Variants in ACSM4 observed in about 807,000 individuals in gnomAD.
ACSM4 encodes the protein acyl-CoA synthetase medium chain family member 4.
Under a neutral mutation model 73.0 loss-of-function variants are expected in ACSM4, and 66 were observed. The observed-to-expected ratio is 0.90, with a 90% CI of 0.74 to 1.11. The LOEUF is 1.11. Among genes scored for constraint, ACSM4 ranks in the 50% least tolerant of loss-of-function variants. The pLI is 0.00. For synonymous variants in ACSM4, 222 were observed against 254.0 expected, an observed-to-expected ratio of 0.87 and a Z score of 1.20; for missense variants, 645 against 714.4, an observed-to-expected ratio of 0.90 and a Z score of 1.11.
rs151241664 is a variant in ACSM4 at position 7,313,416 on chromosome 12, A to G, written c.620+2670A>G. On this transcript the variant is annotated intron_variant, in intron 3 of 12. Coordinates refer to ENST00000399422, the MANE Select transcript of ACSM4 (RefSeq NM_001080454.2). ...AAGGGATAGCCGTCTCATTGCCAAC[A>G]GTTGGCTAGTTTTTCGGAAGACTAC... Among the ~76,000 whole-genome samples, 531 of 152,320 alleles carry G rather than the reference A, an allele frequency of 3.5e-3. 4 individuals carry two copies. Among genetic ancestry groups the G allele is most frequent in the East Asian group, 0.016 (82 of 5,186 alleles).
rs1946352195 is a variant in ACSM4, at chr12:7,304,660, T to C, written c.201+128T>C. On this transcript the variant is annotated intron_variant, in intron 1 of 12. Transcript: ENST00000399422. ...CACCCTCTTGGTTTCCTTTGTTTGTTTTCCAATTGCCCTCCCCTCTCCCCA... is the reference window on the plus strand; with the variant it reads ...CACCCTCTTGGTTTCCTTTGTTTGTCTTCCAATTGCCCTCCCCTCTCCCCA... 3.9e-6 allele frequency: 4 copies of C among 1,025,426 alleles called. No individual in the cohort carries two copies. The Admixed American group carries it at 9.7e-5, about 25-fold the overall frequency. The allele number at this position is 1,025,426 out of a possible 1,614,324, so 63.5% of individuals were successfully genotyped here. A position where few individuals can be genotyped will look rare whatever the true frequency, so the allele number is the denominator to read the frequency against.
At chr12:7,318,288 A>C (rs55962344) in intron 5 of ACSM4, 106 bp downstream of exon 5, 9 of 1,435,424 alleles carry the variant, frequency 6.3e-6, no homozygotes, top group Non-Finnish European at 8.5e-6. Context: ...GGGCTTTTGG[A>C]AATCATTTCT....
intron 11 of ACSM4, among the ~76,000 whole-genome samples, chr12:7,326,597 A>T (rs1337428923): frequency 6.6e-6 from 1 of 151,856 alleles, no homozygotes; most frequent in East Asian, 1.9e-4. Context: ...TTCTCTAGGA[A>T]CTCCATTTGT....
intron 3 of ACSM4, among the ~76,000 whole-genome samples, chr12:7,315,900 T>C (rs1946417905): frequency 2.6e-5 from 4 of 152,156 alleles, no homozygotes; most frequent in Admixed American, 2.6e-4. Context: ...TTCCTGCACA[T>C]AGCCTCTCCC....
At chr12:7,304,599 T>C in intron 1 of ACSM4, 67 bp downstream of exon 1, 1 of 1,510,022 alleles carries the variant, frequency 6.6e-7, no homozygotes, top group South Asian at 1.1e-5. Flanking sequence ...CATTTCCTTG[T>C]TCTGTGGTCT....
intron 1 of ACSM4, among the ~76,000 whole-genome samples, chr12:7,306,099 T>C (rs1000609809): frequency 2.6e-4 from 40 of 152,190 alleles, no homozygotes; most frequent in Admixed American, 7.2e-4. Context: ...AAGAAAGAAA[T>C]TTATTCAAGG....
intron 8 of ACSM4, 44 bp downstream of exon 8, chr12:7,323,358 A>T (rs1013570829): frequency 6.3e-7 from 1 of 1,595,294 alleles, no homozygotes; most frequent in Non-Finnish European, 8.6e-7. Flanking sequence ...AGGAGAGAGA[A>T]CGTTTTCCTT....
Position 7,324,139 on chromosome 12 carries a change from G to C in ACSM4, c.1309-134G>C, listed in dbSNP as rs530906202. The C allele has an allele frequency of 3.2e-4, 347 of 1,077,578 alleles. 2 individuals are homozygous for C. In the South Asian group the frequency reaches 3.9e-3, roughly 12 times the overall value. 66.8% of individuals were successfully genotyped at this position (1,077,578 alleles called of 1,614,324 possible). On this transcript the variant is annotated intron_variant, in intron 9 of 12. Coordinates refer to ENST00000399422, the MANE Select transcript of ACSM4 (RefSeq NM_001080454.2). ...GCTGCAGGCTCCAGTCTAGGCAACA[G>C]AGAGAGACTCTGTCTCAAAAAAAAA... is the stretch of plus-strand genomic sequence containing the variant.
At chr12:7,322,261 G>A (rs748817378) in intron 6 of ACSM4, among the ~76,000 whole-genome samples, 157 bp from the exon 7 acceptor site, 1 of 152,188 alleles carries the variant, frequency 6.6e-6, no homozygotes, top group East Asian at 1.9e-4. Flanking sequence ...AACAATGTCT[G>A]GCAATATAGC....
chr12:7,322,334 C>A (rs906127129), intron 6 of ACSM4, 84 bp from the exon 7 acceptor site: 3 of 1,577,784 alleles, frequency 1.9e-6, no homozygotes, highest in African/African-American at 2.7e-5. Flanking sequence ...AGCTGCTATG[C>A]TTACTGCTTG....
chr12:7,317,496 A>G (rs758758654), intron 4 of ACSM4, among the ~76,000 whole-genome samples: 1 of 152,144 alleles, frequency 6.6e-6, no homozygotes, highest in Non-Finnish European at 1.5e-5. Context: ...ACCTTAATTA[A>G]TCCCTTAACA....
chr12:7,326,941 C>G, intron 11 of ACSM4, 35 bp from the exon 12 acceptor site: 1 of 1,554,560 alleles, frequency 6.4e-7, no homozygotes, highest in Non-Finnish European at 8.7e-7. Flanking sequence ...GTCTGAAAAA[C>G]AAATGAGCAA....
rs1327676183 is a variant in ACSM4, at chr12:7,323,264, G to A, written c.1156G>A (p.Glu386Lys). 6.2e-7 allele frequency: 1 copy of A among 1,610,830 alleles called. No individual in the cohort carries two copies. Among genetic ancestry groups the A allele is most frequent in the South Asian group, 1.1e-5 (1 of 89,914 alleles). Residue 386 changes from glutamate (E) to lysine (K), a missense_variant, in exon 8 of 13, where the codon GAA becomes AAA. Physicochemically the swap from Glu to Lys is moderately conservative, Grantham distance 56. Transcript: ENST00000399422. ...GATTTGTGCCAATCAGAAAGGCCAA[G>A]AAATTAAACCAGGTTCAATGGGGAA... ...GMICANQKGQEIKPGSMGKGM... is the reference protein window; with the variant it reads ...GMICANQKGQKIKPGSMGKGM...
At chr12:7,306,359 T>C (rs1166313415) in intron 1 of ACSM4, among the ~76,000 whole-genome samples, 174 bp from the exon 2 acceptor site, 1 of 152,176 alleles carries the variant, frequency 6.6e-6, no homozygotes, top group African/African-American at 2.4e-5. Context: ...TGAGGGATTC[T>C]CTTTTCAAGG....
intron 2 of ACSM4, among the ~76,000 whole-genome samples, chr12:7,307,590 C>T (rs1946369072): frequency 6.6e-6 from 1 of 152,194 alleles, no homozygotes; most frequent in Non-Finnish European, 1.5e-5. Flanking sequence ...TATTCAATGA[C>T]ACACTTTCTC....
At chr12:7,306,402 A>G in intron 1 of ACSM4, 131 bp from the exon 2 acceptor site, 1 of 836,072 alleles carries the variant, frequency 1.2e-6, no homozygotes, top group Non-Finnish European at 1.9e-6. Flanking sequence ...AGTTCCCTCA[A>G]AGACGAACTC....
intron 6 of ACSM4, among the ~76,000 whole-genome samples, chr12:7,321,615 T>C (rs751431780): frequency 3.3e-5 from 5 of 152,240 alleles, no homozygotes; most frequent in Non-Finnish European, 5.9e-5. Flanking sequence ...CAATGATTAT[T>C]TTGAATACAC....
At chr12:7,320,909 C>A in intron 6 of ACSM4, 105 bp downstream of exon 6, 4 of 966,544 alleles carry the variant, frequency 4.1e-6, no homozygotes, top group Non-Finnish European at 4.9e-6. Flanking sequence ...CTCAGTCTTA[C>A]CACCACTGAC....
intron 1 of ACSM4, among the ~76,000 whole-genome samples, chr12:7,305,657 A>G (rs1422395714): frequency 6.6e-6 from 1 of 152,246 alleles, no homozygotes; most frequent in African/African-American, 2.4e-5. Context: ...GAAGAGACAC[A>G]TCTGTCATAT....
Sources: allele counts gnomAD v4.1 joint callset (sites outside exome capture counted in the v4.1 genomes callset), GRCh38; gene constraint gnomAD v4.1.1; transcripts MANE v1.5; gene names NCBI Gene and HGNC (gene_info 2026-07-23, HGNC 2026-07-21).